Variants in ZNF683 observed in about 807,000 individuals in gnomAD.
ZNF683 encodes zinc finger protein 683, also known as tissue-resident T-cell transcription regulator protein ZNF683.
A neutral mutation model predicts 31.4 loss-of-function variants in ZNF683; 20 were observed. The observed-to-expected ratio is 0.64, with a 90% CI of 0.45 to 0.93. The LOEUF is 0.93. Ranked by LOEUF, ZNF683 falls within the 40% of genes least tolerant of loss-of-function variation. The pLI, the probability that ZNF683 is intolerant of heterozygous loss-of-function variation, is 0.00. For synonymous variants in ZNF683, 264 were observed against 267.6 expected (o/e 0.99, Z 0.13); for missense variants, 621 against 637.2 (o/e 0.97, Z 0.27).
Position 26,364,680 on chromosome 1 carries a change from C to G in ZNF683, c.866G>C (p.Gly289Ala), listed in dbSNP as rs770007830. 3.1e-6 allele frequency: 5 copies of G among 1,613,964 alleles called. No homozygotes were observed. The highest frequency in any genetic ancestry group is 4.2e-6 in the Non-Finnish European group (5 of 1,179,880). Reference sequence around the variant, plus strand: ...CCGCTTTGCTGGAGATGCCATGCCACCACGCTCCAGGCCTGGGGAGTCGGT... The same window carrying G: ...CCGCTTTGCTGGAGATGCCATGCCAGCACGCTCCAGGCCTGGGGAGTCGGT... ...APTDSPGLER[G>A]GMASPAKRVP... Residue 289 changes from glycine (G) to alanine (A), a missense_variant, in exon 4 of 6, where the codon GGT (glycine) becomes GCT (alanine). Physicochemically the swap from Gly to Ala is moderately conservative, Grantham distance 60. Coordinates refer to ENST00000349618, the MANE Select transcript of ZNF683 (RefSeq NM_001114759.3).
chr1:26,372,763 G>A (rs2074699413), upstream of ZNF683: 6 of 1,206,726 alleles, frequency 5.0e-6, no homozygotes, highest in South Asian at 3.0e-5. Flanking sequence ...TCCTCCCTTT[G>A]TGCTACCTCC....
chr1:26,363,978 A>G (rs1017423833), intron 4 of ZNF683, among the ~76,000 whole-genome samples: 1 of 152,188 alleles, frequency 6.6e-6, no homozygotes, highest in Non-Finnish European at 1.5e-5. Flanking sequence ...TTGCTAACGC[A>G]CTGAGATGCG....
chr1:26,369,242 C>G (rs919051596), intron 1 of ZNF683, among the ~76,000 whole-genome samples: 2 of 150,886 alleles, frequency 1.3e-5, no homozygotes, highest in African/African-American at 4.9e-5. Context: ...GAGACTCCTT[C>G]TAAAAATAAA....
Position 26,367,681 on chromosome 1 carries a change from TA to T in ZNF683, c.230del (p.Leu77HisfsTer6). On this transcript the variant is annotated frameshift_variant, in exon 3 of 6. Coordinates refer to ENST00000349618, the MANE Select transcript of ZNF683 (RefSeq NM_001114759.3). LOFTEE classifies it high-confidence loss of function. ...TGCACAGGTTCAGGTCCAGGTCCTG[TA>T]GGCAGGCCAGCAGTGCAGACCTGCC... Reference protein sequence around the residue: ...APGRSALLACLQDLDLNLCTP... With the variant: ...APGRSALLACXQDLDLNLCTP... The T allele has an allele frequency of 2.5e-6, 4 of 1,612,698 alleles. No individual in the cohort carries two copies. The highest frequency in any genetic ancestry group is 3.4e-6 in the Non-Finnish European group (4 of 1,179,650).
intron 1 of ZNF683, 35 bp from the exon 2 acceptor site, chr1:26,368,620 G>C (rs779099085): frequency 7.8e-6 from 12 of 1,544,144 alleles, no homozygotes; most frequent in African/African-American, 1.4e-5. Context: ...AAGCTGTGAA[G>C]GTCCTCCAAA....
intron 2 of ZNF683, 121 bp downstream of exon 2, chr1:26,368,336 TA>T (rs2074580147): frequency 1.6e-6 from 2 of 1,220,118 alleles, no homozygotes; most frequent in South Asian, 2.0e-5. Flanking sequence ...GTGCCTGGGA[TA>T]GGGGGTGCTC....
At chr1:26,373,443 G>T (rs1465069112), upstream of ZNF683, 1 of 152,160 alleles carries the variant, frequency 6.6e-6, no homozygotes, top group Non-Finnish European at 1.5e-5. Context: ...GCAGGTCTGT[G>T]GAAACTCCTC....
chr1:26,362,960 C>A (rs1484646065), intron 5 of ZNF683, 66 bp downstream of exon 5: 7 of 1,519,396 alleles, frequency 4.6e-6, no homozygotes, highest in Non-Finnish European at 5.4e-6. Flanking sequence ...CAGGTGCCAG[C>A]CCTCCAAGGG....
At chr1:26,366,168 G>A (rs574788506) in intron 3 of ZNF683, among the ~76,000 whole-genome samples, 4 of 151,932 alleles carry the variant, frequency 2.6e-5, no homozygotes, top group East Asian at 1.9e-4. Context: ...CAACAAAAGC[G>A]AAACTCTGTT....
At chr1:26,363,658 C>T (rs144288050) in intron 4 of ZNF683, among the ~76,000 whole-genome samples, 136 of 149,604 alleles carry the variant, frequency 9.1e-4, no homozygotes, top group African/African-American at 3.3e-3. Context: ...GTCCCAGCTA[C>T]CGGGGAGGAT....
At chr1:26,372,880 G>A, upstream of ZNF683, 1 of 1,151,604 alleles carries the variant, frequency 8.7e-7, no homozygotes, top group South Asian at 1.7e-5. Flanking sequence ...GAAGGGCTTG[G>A]CAGGCAGAGG....
intron 3 of ZNF683, among the ~76,000 whole-genome samples, chr1:26,366,083 G>C (rs575220135): frequency 1.3e-5 from 2 of 152,214 alleles, no homozygotes; most frequent in African/African-American, 4.8e-5. Context: ...GGGAGGCTGA[G>C]GCAGAAGATT....
chr1:26,361,690 G>A lies in ZNF683; in HGVS notation c.1476C>T (p.Ala492=), dbSNP rs11583897. The change falls in exon 6 of 6, where the codon GCC becomes GCT. Residue 492 remains alanine (A), a synonymous_variant. Coordinates refer to ENST00000349618, the MANE Select transcript of ZNF683 (RefSeq NM_001114759.3). ...GKARAVSLSS[A]GTPLVMGQDQ... is the part of the protein sequence containing the mutation. The stretch of plus-strand genomic sequence containing the variant: ...CCTGCCCCATCACCAGGGGAGTCCC[G>A]GCACTGCTCAGGCTCACTGCTCTTG... 6.8e-6 allele frequency: 11 copies of A among 1,613,754 alleles called. No individual in the cohort carries two copies. The highest frequency in any genetic ancestry group is 4.4e-5 in the South Asian group (4 of 91,076).
Position 26,363,659 on chromosome 1 carries a change from C to A in ZNF683, c.1015-505G>T, listed in dbSNP as rs565292633. ...GGTGTTTACCCTTCGTCCCAGCTAC[C>A]GGGGAGGATGAAGTGGGAGAATCCC... is the stretch of plus-strand genomic sequence containing the variant. On this transcript the variant is annotated intron_variant, in intron 4 of 5. Coordinates refer to ENST00000349618, the MANE Select transcript of ZNF683 (RefSeq NM_001114759.3). 1.1e-3 allele frequency among the ~76,000 whole-genome samples: 157 copies of A among 148,106 alleles called. 1 individual carries two copies. Among genetic ancestry groups the A allele is most frequent in the African/African-American group, 3.8e-3 (151 of 40,112 alleles).
intron 1 of ZNF683, among the ~76,000 whole-genome samples, chr1:26,369,071 C>G (rs1156530229): frequency 6.6e-6 from 1 of 151,708 alleles, no homozygotes; most frequent in East Asian, 1.9e-4. Flanking sequence ...ATGGTGAAAC[C>G]CTGTCTCTAC....
At chr1:26,362,921 T>G in intron 5 of ZNF683, 105 bp downstream of exon 5, 1 of 1,435,698 alleles carries the variant, frequency 7.0e-7, no homozygotes, top group South Asian at 1.3e-5. Context: ...CATCTCCACT[T>G]GCTCAGGAGG....
intron 5 of ZNF683, among the ~76,000 whole-genome samples, 175 bp downstream of exon 5, chr1:26,362,847 GTGAC>G (rs1040198614): frequency 2.0e-5 from 3 of 152,118 alleles, no homozygotes; most frequent in African/African-American, 7.2e-5. Context: ...GGCCTTTGGA[GTGAC>G]CTTCAGTATT....
At chr1:26,374,331 A>G, upstream of ZNF683, 1 of 1,303,850 alleles carries the variant, frequency 7.7e-7, no homozygotes, top group Non-Finnish European at 1.0e-6. Context: ...CTCTGCTCCC[A>G]GCTCTCAGAA....
rs1333478582 is a variant in ZNF683, at chr1:26,365,494, C to T, written c.320-268G>A. 2.6e-5 allele frequency among the ~76,000 whole-genome samples: 4 copies of T among 152,160 alleles called. No homozygotes were observed. The East Asian group carries it at 7.7e-4, about 29-fold the overall frequency. On this transcript the variant is annotated intron_variant, in intron 3 of 5. Transcript: ENST00000349618. ...GAGACATAAATCCAGGTGCCATGGGCACAGATAAGATCACATAAGGGTGAG... is the reference window on the plus strand; with the variant it reads ...GAGACATAAATCCAGGTGCCATGGGTACAGATAAGATCACATAAGGGTGAG...
Sources: gnomAD v4.1 joint callset for allele counts (sites outside exome capture counted in the v4.1 genomes callset) on GRCh38, gnomAD v4.1.1 for gene constraint, MANE v1.5 for transcripts, NCBI Gene and HGNC (gene_info 2026-07-23, HGNC 2026-07-21) for gene names.